Variants in ANKS1B observed in about 807,000 individuals in gnomAD.
The protein encoded by ANKS1B is ankyrin repeat and sterile alpha motif domain-containing protein 1B.
In ANKS1B, 36 loss-of-function variants were observed where a neutral mutation model predicts 148.3. That is an observed-to-expected ratio of 0.24 (90% CI 0.19 to 0.32). The LOEUF (loss-of-function observed/expected upper bound fraction) is 0.32, where lower values mean the gene tolerates loss of function less well. Ranked by LOEUF, ANKS1B falls within the 10% of genes least tolerant of loss-of-function variation. ANKS1B has a pLI of 1.00. For synonymous variants in ANKS1B, 542 were observed against 560.8 expected (o/e 0.97, Z 0.47); for missense variants, 1,157 against 1,542.6 (o/e 0.75, Z 4.19).
intron 9 of ANKS1B, among the ~76,000 whole-genome samples, chr12:99,646,782 T>C (rs1255473208): frequency 6.6e-6 from 1 of 151,586 alleles, no homozygotes; most frequent in Non-Finnish European, 1.5e-5. Flanking sequence ...TCTTATTGAA[T>C]TGAAAATATT....
At chr12:99,167,995 T>A (rs2077357201) in intron 14 of ANKS1B, among the ~76,000 whole-genome samples, 1 of 152,178 alleles carries the variant, frequency 6.6e-6, no homozygotes, top group Non-Finnish European at 1.5e-5. Context: ...CTAGAGAGTA[T>A]AAACTTAAAT....
intron 9 of ANKS1B, among the ~76,000 whole-genome samples, chr12:99,576,929 G>A (rs2097525242): frequency 6.6e-6 from 1 of 151,764 alleles, no homozygotes; most frequent in East Asian, 1.9e-4. Flanking sequence ...CTTCCATCTA[G>A]TAGACCCTAG....
intron 17 of ANKS1B, among the ~76,000 whole-genome samples, chr12:99,042,010 CAACAAAACAA>C (rs781231663): frequency 1.7e-4 from 26 of 151,734 alleles, no homozygotes; most frequent in African/African-American, 2.2e-4. Flanking sequence ...GAAACAACAA[CAACAAAACAA>C]AACAAAACAA....
At chr12:99,441,460 C>T (rs938409506) in intron 11 of ANKS1B, among the ~76,000 whole-genome samples, 2 of 151,900 alleles carry the variant, frequency 1.3e-5, no homozygotes, top group East Asian at 3.9e-4. Context: ...AATGAGGAGC[C>T]CCCTGAAGGT....
chr12:98,955,128 TAAAC>T (rs958380463), intron 17 of ANKS1B, among the ~76,000 whole-genome samples: 1 of 152,044 alleles, frequency 6.6e-6, no homozygotes, highest in Non-Finnish European at 1.5e-5. Context: ...AGCAAAAAGA[TAAAC>T]AAAATCATAA....
chr12:99,139,953 T>C (rs987897784), intron 15 of ANKS1B, among the ~76,000 whole-genome samples: 8 of 152,202 alleles, frequency 5.3e-5, no homozygotes, highest in African/African-American at 9.6e-5. Flanking sequence ...TTGAAACACA[T>C]AGATTTACAT....
chr12:99,648,590 A>T (rs527359589), intron 9 of ANKS1B: 2 of 1,614,042 alleles, frequency 1.2e-6, no homozygotes, highest in Non-Finnish European at 1.7e-6. Flanking sequence ...AAACAGCTCC[A>T]CCTGAAGCTT....
intron 11 of ANKS1B, among the ~76,000 whole-genome samples, chr12:99,430,532 C>T (rs761875526): frequency 3.3e-5 from 5 of 152,130 alleles, no homozygotes; most frequent in African/African-American, 1.2e-4. Flanking sequence ...TTAGGATGAA[C>T]TTCTATTCTC....
At chr12:99,239,351 G>C (rs997788469) in intron 14 of ANKS1B, among the ~76,000 whole-genome samples, 3 of 152,104 alleles carry the variant, frequency 2.0e-5, no homozygotes, top group African/African-American at 7.2e-5. Context: ...AATAAAGCAA[G>C]AAGACAAGAT....
intron 8 of ANKS1B, among the ~76,000 whole-genome samples, chr12:99,732,505 G>C (rs1210682675): frequency 6.6e-6 from 1 of 152,034 alleles, no homozygotes; most frequent in African/African-American, 2.4e-5. Context: ...ACAAAAGACT[G>C]TATGATTCTA....
chr12:99,752,249 C>T (rs1014760254), intron 8 of ANKS1B, among the ~76,000 whole-genome samples: 3 of 152,012 alleles, frequency 2.0e-5, no homozygotes, highest in Non-Finnish European at 2.9e-5. Flanking sequence ...ATCTGTCAGG[C>T]AACATCCCAG....
chr12:99,766,228 C>T (rs908286665), intron 8 of ANKS1B, among the ~76,000 whole-genome samples: 5 of 152,124 alleles, frequency 3.3e-5, no homozygotes, highest in African/African-American at 1.2e-4. Flanking sequence ...CCGTGTGAGG[C>T]AGGATGTGAC....
chr12:98,854,276 T>C (rs768835714), intron 17 of ANKS1B, among the ~76,000 whole-genome samples: 16 of 152,206 alleles, frequency 1.1e-4, no homozygotes, highest in South Asian at 2.1e-4. Flanking sequence ...CGGGTGGGAA[T>C]AGAAACTACT....
chr12:99,694,361 C>T (rs917745865), intron 8 of ANKS1B, among the ~76,000 whole-genome samples: 3 of 151,234 alleles, frequency 2.0e-5, no homozygotes, highest in Admixed American at 1.3e-4. Context: ...ATCGCTTGAA[C>T]CCGGGAGGTG....
intron 9 of ANKS1B, among the ~76,000 whole-genome samples, chr12:99,540,739 C>A (rs2097117079): frequency 6.7e-6 from 1 of 150,110 alleles, no homozygotes; most frequent in African/African-American, 2.5e-5. Context: ...TATTAAGAAA[C>A]TAGAAAGAAA....
intron 1 of ANKS1B, among the ~76,000 whole-genome samples, chr12:99,897,448 C>T (rs1253221105): frequency 6.6e-6 from 1 of 151,094 alleles, no homozygotes; most frequent in African/African-American, 2.4e-5. Flanking sequence ...CTAAAGTCAT[C>T]CTCAGTGGCT....
chr12:99,754,528 CT>C (rs1327688422), intron 8 of ANKS1B, among the ~76,000 whole-genome samples: 4 of 151,860 alleles, frequency 2.6e-5, no homozygotes, highest in African/African-American at 9.7e-5. Context: ...TTACAGAACT[CT>C]CCCCCAGAAT....
chr12:99,855,837 T>C (rs1479935795), intron 1 of ANKS1B, among the ~76,000 whole-genome samples: 1 of 152,044 alleles, frequency 6.6e-6, no homozygotes, highest in South Asian at 2.1e-4. Flanking sequence ...GAAATCAAGA[T>C]GGAAATTTAA....
chr12:99,258,194 A>T (rs2075507091), intron 12 of ANKS1B, among the ~76,000 whole-genome samples: 1 of 152,300 alleles, frequency 6.6e-6, no homozygotes, highest in South Asian at 2.1e-4. Context: ...TTAATAATAA[A>T]TTGCCTTGCT....
Sources: allele counts gnomAD v4.1 joint callset (sites outside exome capture counted in the v4.1 genomes callset), GRCh38; gene constraint gnomAD v4.1.1; transcripts MANE v1.5; gene names NCBI Gene and HGNC (gene_info 2026-07-23, HGNC 2026-07-21).